POLR1D: variants seen among roughly 807,000 people sequenced by gnomAD.
POLR1D encodes the protein RNA polymerase I and III subunit D.
In POLR1D, 8 loss-of-function variants were observed where a neutral mutation model predicts 10.8. The ratio of observed to expected loss-of-function variants is 0.74; its 90% confidence interval spans 0.43 to 1.33. POLR1D has a LOEUF of 1.33. Ranked by LOEUF, POLR1D falls within the 40% of genes most tolerant of loss-of-function variation. The pLI is 0.01. For synonymous variants in POLR1D, 54 were observed against 57.2 expected (o/e 0.94, Z 0.25); for missense variants, 152 against 161.7 (o/e 0.94, Z 0.32).
chr13:27,654,001 T>C (rs996880884), intron 2 of POLR1D, among the ~76,000 whole-genome samples: 2 of 152,228 alleles, frequency 1.3e-5, no homozygotes, highest in African/African-American at 4.8e-5. Context: ...GGATAAATGA[T>C]GTCTATCTGG....
downstream of POLR1D, among the ~76,000 whole-genome samples, chr13:27,625,511 T>C (rs761296973): frequency 3.3e-5 from 5 of 151,640 alleles, no homozygotes; most frequent in African/African-American, 4.9e-5. Flanking sequence ...AAATGGAAAA[T>C]AGATTGGGAG....
chr13:27,627,933 G>C (rs1956033923), downstream of POLR1D, among the ~76,000 whole-genome samples: 2 of 152,090 alleles, frequency 1.3e-5, no homozygotes, highest in Admixed American at 1.3e-4. Flanking sequence ...AGATTCTATA[G>C]AGGGGTAATA....
At chr13:27,627,728 T>TG (rs72506544), downstream of POLR1D, among the ~76,000 whole-genome samples, 27 of 49,250 alleles carry the variant, frequency 5.5e-4, 1 homozygote, top group East Asian at 8.8e-4. Flanking sequence ...AAAGTTTTAG[T>TG]TTTTTTTTTT....
intron 2 of POLR1D, chr13:27,650,984 A>G (rs1956264293): frequency 6.6e-6 from 1 of 152,234 alleles, no homozygotes; most frequent in Non-Finnish European, 1.5e-5. Flanking sequence ...AAAACTTTAC[A>G]GAAGAATTGT....
At chr13:27,624,569 T>C (rs181426053), downstream of POLR1D, among the ~76,000 whole-genome samples, 1 of 152,022 alleles carries the variant, frequency 6.6e-6, no homozygotes. Flanking sequence ...ACAGAGTAAG[T>C]CCTGTTCTCA....
chr13:27,665,454 GAAGA>G (rs1956406240), intron 2 of POLR1D: 1 of 551,076 alleles, frequency 1.8e-6, no homozygotes. Flanking sequence ...TCCCAGGAAG[GAAGA>G]AAGGTTTAAA....
chr13:27,629,900 C>T (rs1420733737), intron 1 of POLR1D, among the ~76,000 whole-genome samples: 1 of 151,858 alleles, frequency 6.6e-6, no homozygotes, highest in Admixed American at 6.6e-5. Context: ...ATTAAAAAGA[C>T]TTTATTTATT....
rs1955966929 is a variant in POLR1D, at chr13:27,623,061, T to C, written c.213T>C (p.Thr71=). The C allele has an allele frequency of 6.2e-7, 1 of 1,614,068 alleles. No individual in the cohort carries two copies. Among genetic ancestry groups the C allele is most frequent in the African/African-American group, 1.3e-5 (1 of 75,048 alleles). The part of the protein sequence containing the change: ...KNPEVEFCGY[T]TTHPSESKIN... Reference sequence around the variant, plus strand: ...CGGAAGTGGAATTTTGTGGTTACACTACGACCCATCCTTCAGAGAGCAAAA... The same window carrying C: ...CGGAAGTGGAATTTTGTGGTTACACCACGACCCATCCTTCAGAGAGCAAAA... Residue 71 remains threonine (T), a synonymous_variant, in exon 2 of 2, where the codon ACT becomes ACC. Transcript: ENST00000302979.
At chr13:27,654,221 G>A (rs1956289943) in intron 2 of POLR1D, among the ~76,000 whole-genome samples, 1 of 152,104 alleles carries the variant, frequency 6.6e-6, no homozygotes, top group Non-Finnish European at 1.5e-5. Flanking sequence ...TTAATAATGT[G>A]TACTTTTCCT....
exon 3 of POLR1D, chr13:27,665,689 G>A (rs1219057459): frequency 6.2e-7 from 1 of 1,613,876 alleles, no homozygotes; most frequent in Admixed American, 1.7e-5. Context: ...ACCCCAGGAT[G>A]AAGTGTCCTC....
chr13:27,629,236 T>C (rs771214595), intron 1 of POLR1D, among the ~76,000 whole-genome samples: 1 of 152,222 alleles, frequency 6.6e-6, no homozygotes, highest in Non-Finnish European at 1.5e-5. Flanking sequence ...TTAGAGCTGT[T>C]GGACTCACAA....
In POLR1D at chr13:27,665,737, TA is replaced by T; in HGVS notation, c.158del (p.Asn53ThrfsTer95). On this transcript the variant is annotated frameshift_variant, in exon 3 of 3. Coordinates refer to the POLR1D transcript ENST00000399697. LOFTEE classifies it low-confidence loss of function (END_TRUNC). Reference sequence around the variant, plus strand: ...ATAAAAGATTTCTAATTAACACAATTAAAAACACATTGCCCTCTCATAAAGA... The same window carrying T: ...ATAAAAGATTTCTAATTAACACAATTAAAACACATTGCCCTCTCATAAAGA... The T allele has an allele frequency of 6.2e-7, 1 of 1,613,544 alleles. No homozygotes were observed. Among genetic ancestry groups the T allele is most frequent in the Non-Finnish European group, 8.5e-7 (1 of 1,179,514 alleles).
chr13:27,621,349 C>T (rs956804242), upstream of POLR1D: 4 of 152,462 alleles, frequency 2.6e-5, no homozygotes, highest in African/African-American at 9.6e-5. Context: ...GAAAATGCAA[C>T]TGCAAGCTCC....
At chr13:27,621,686 G>A, upstream of POLR1D, 1 of 229,542 alleles carries the variant, frequency 4.4e-6, no homozygotes, top group Non-Finnish European at 8.3e-6. Context: ...GGGGTAAGGC[G>A]GCGCTGGCCC....
At chr13:27,658,843 T>G (rs1241764553) in intron 2 of POLR1D, among the ~76,000 whole-genome samples, 1 of 152,244 alleles carries the variant, frequency 6.6e-6, no homozygotes, top group Non-Finnish European at 1.5e-5. Context: ...TCTACAAAGC[T>G]GTTTTAATTC....
chr13:27,636,037 T>C (rs1566145643), intron 1 of POLR1D, among the ~76,000 whole-genome samples: 1 of 152,192 alleles, frequency 6.6e-6, no homozygotes, highest in South Asian at 2.1e-4. Flanking sequence ...AGTAAGTCTA[T>C]TCAGTCTGGA....
chr13:27,666,604 A>T (rs184883765), exon 3 of POLR1D: 103 of 152,290 alleles, frequency 6.8e-4, no homozygotes, highest in African/African-American at 2.4e-3. Context: ...TTCTATATTT[A>T]ATTTTTTTAA....
At chr13:27,659,086 T>C (rs914364285) in intron 2 of POLR1D, among the ~76,000 whole-genome samples, 5 of 152,210 alleles carry the variant, frequency 3.3e-5, no homozygotes, top group Admixed American at 1.3e-4. Flanking sequence ...TGGAAGGAAG[T>C]CACCCATCTT....
chr13:27,658,759 C>T (rs1956331049), intron 2 of POLR1D, among the ~76,000 whole-genome samples: 1 of 152,142 alleles, frequency 6.6e-6, no homozygotes, highest in Non-Finnish European at 1.5e-5. Flanking sequence ...GAAATATTGG[C>T]TCATATGACT....
Sources: gnomAD v4.1 joint callset for allele counts (sites outside exome capture counted in the v4.1 genomes callset) on GRCh38, gnomAD v4.1.1 for gene constraint, MANE v1.5 for transcripts, NCBI Gene and HGNC (gene_info 2026-07-23, HGNC 2026-07-21) for gene names.